EHBP1L1: variants seen among roughly 807,000 people sequenced by gnomAD.
EHBP1L1 encodes the protein EH domain binding protein 1 like 1.
In EHBP1L1, 122 loss-of-function variants were observed where a neutral mutation model predicts 151.1. The ratio of observed to expected loss-of-function variants is 0.81; its 90% CI spans 0.70 to 0.94. The LOEUF (loss-of-function observed/expected upper bound fraction) is 0.94. Among genes scored for constraint, EHBP1L1 ranks in the 40% least tolerant of loss-of-function variants. The pLI, the probability that EHBP1L1 is intolerant of heterozygous loss-of-function variation, is 0.00. For missense variants in EHBP1L1, 1,941 were observed against 1,959.8 expected, an observed-to-expected ratio of 0.99 and a Z score of 0.18; for synonymous variants, 878 against 810.1, an observed-to-expected ratio of 1.08 and a Z score of -1.42.
In EHBP1L1 at chr11:65,584,516, C is replaced by T. The variant is rs549155607; in HGVS notation, c.3282C>T (p.Ile1094=). The change falls in exon 11 of 19, where the codon ATC becomes ATT. Residue 1094 remains isoleucine (I), a synonymous_variant. Transcript: ENST00000309295. ...ATGCCTCGCTAGACCCACTCAACAT[C>T]AAGCAGAACAACAAGCAGGTGAGAT... ...IDYASLDPLN[I]KQNNKQAFDG... is the part of the protein sequence containing the mutation. The T allele has an allele frequency of 4.3e-6, 7 of 1,612,154 alleles. No individual in the cohort carries two copies. In the East Asian group the frequency reaches 1.6e-4, roughly 36 times the overall value.
chr11:65,590,635 C>A, intron 16 of EHBP1L1, 43 bp downstream of exon 16: 1 of 1,568,748 alleles, frequency 6.4e-7, no homozygotes, highest in Non-Finnish European at 8.7e-7. Flanking sequence ...GGACTCTTAG[C>A]TACTTTGGTT....
chr11:65,589,954 A>T lies in EHBP1L1; in HGVS notation c.4022A>T (p.Glu1341Val). 6.3e-7 allele frequency: 1 copy of T among 1,575,856 alleles called. No homozygotes were observed. The highest frequency in any genetic ancestry group is 8.6e-7 in the Non-Finnish European group (1 of 1,157,196). ...TCTGCAGGTGGGAGTTCCCCCTCGG[A>T]GGAACCACCCCCAAGCCCAGGGGAG... ...QQPPGGSSPS[E>V]EPPPSPGEEA... The change falls in exon 14 of 19, where the codon GAG (glutamate) becomes GTG (valine). Residue 1341 changes from glutamate (E) to valine (V), a missense_variant. Physicochemically the swap from Glu to Val is moderately radical, Grantham distance 121. Coordinates refer to ENST00000309295, the MANE Select transcript of EHBP1L1 (RefSeq NM_001099409.3).
Position 65,592,281 on chromosome 11 carries a change from G to A in EHBP1L1, c.4551G>A (p.Arg1517=). 6.5e-7 allele frequency: 1 copy of A among 1,529,988 alleles called. No individual in the cohort carries two copies. Among genetic ancestry groups the A allele is most frequent in the Non-Finnish European group, 8.7e-7 (1 of 1,144,580 alleles). The allele number at this position is 1,529,988 out of a possible 1,614,324, so 94.8% of individuals were successfully genotyped here. ...AGCTGAGCCGGCAGTTGAGCCGGCG[G>A]GAGCGCTGCGTGCTGAGCTGAGGCC... is the stretch of plus-strand genomic sequence containing the variant. ...RRKLSRQLSR[R]ERCVLS Residue 1517 remains arginine (R), a synonymous_variant, in exon 19 of 19, where the codon CGG becomes CGA. Coordinates refer to ENST00000309295, the MANE Select transcript of EHBP1L1 (RefSeq NM_001099409.3).
chr11:65,582,026 A>G lies in EHBP1L1; in HGVS notation c.1354A>G (p.Arg452Gly). The G allele has an allele frequency of 1.2e-6, 2 of 1,613,588 alleles. No individual in the cohort carries two copies. Among genetic ancestry groups the G allele is most frequent in the Non-Finnish European group, 1.7e-6 (2 of 1,179,820 alleles). The change falls in exon 9 of 19, where the codon AGG becomes GGG. Residue 452 changes from arginine to glycine, a missense_variant. Arg to Gly is a moderately radical substitution (Grantham distance 125). Coordinates refer to ENST00000309295, the MANE Select transcript of EHBP1L1 (RefSeq NM_001099409.3). ...AGGGGTGATGCCTGAGGCAAGATGCAGGGGGACCCCTGAGGCTCCTCCAAG... is the reference window on the plus strand; with the variant it reads ...AGGGGTGATGCCTGAGGCAAGATGCGGGGGGACCCCTGAGGCTCCTCCAAG... ...ATGVMPEARC[R>G]GTPEAPPRGS...
chr11:65,584,347 G>A lies in EHBP1L1; in HGVS notation c.3200G>A (p.Arg1067His), dbSNP rs1299121895. ...ATCACCAACTTCACCACATCCTGGC[G>A]CAACGGCTTGGCCTTCTGTGCCATC... is the stretch of plus-strand genomic sequence containing the variant. Reference protein sequence around the residue: ...VRITNFTTSWRNGLAFCAILH... With the variant: ...VRITNFTTSWHNGLAFCAILH... The change falls in exon 10 of 19, where the codon CGC becomes CAC. Residue 1067 changes from arginine (R) to histidine (H), a missense_variant. Physicochemically the swap from Arg to His is conservative, Grantham distance 29. Coordinates refer to ENST00000309295, the MANE Select transcript of EHBP1L1 (RefSeq NM_001099409.3). The A allele has an allele frequency of 8.1e-6, 13 of 1,610,076 alleles. No homozygotes were observed. Among genetic ancestry groups the A allele is most frequent in the South Asian group, 4.4e-5 (4 of 90,894 alleles).
intron 1 of EHBP1L1, among the ~76,000 whole-genome samples, chr11:65,577,249 G>A (rs903895422): frequency 6.6e-6 from 1 of 151,914 alleles, no homozygotes; most frequent in East Asian, 2.0e-4. Context: ...GCCAGGCGGG[G>A]CTAAATTTAG....
intron 1 of EHBP1L1, among the ~76,000 whole-genome samples, chr11:65,578,429 C>G (rs994020868): frequency 3.3e-5 from 5 of 152,194 alleles, no homozygotes; most frequent in African/African-American, 1.2e-4. Context: ...GATCCTCACA[C>G]AGCCCATCCC....
rs759574376 is a variant in EHBP1L1, at chr11:65,580,356, C to G, written c.511C>G (p.Leu171Val). Residue 171 changes from leucine to valine, a missense_variant, in exon 6 of 19, where the codon CTC becomes GTC. Leu to Val is a conservative substitution (Grantham distance 32). Coordinates refer to ENST00000309295, the MANE Select transcript of EHBP1L1 (RefSeq NM_001099409.3). Reference protein sequence around the residue: ...GRATDDDMQSLASLMSVKPSD... With the variant: ...GRATDDDMQSVASLMSVKPSD... ...TCCCAGGGACGATGACATGCAGAGT[C>G]TCGCAAGCCTCATGAGTGTGAAGCC... 1 of 1,613,812 alleles carries G rather than the reference C, an allele frequency of 6.2e-7. No individual in the cohort carries two copies. The highest frequency in any genetic ancestry group is 1.1e-5 in the South Asian group (1 of 91,084).
At position 65,590,902 on chromosome 11, in the gene EHBP1L1, G is replaced by A. The variant is rs554052661; in HGVS notation, c.4283+310G>A. Among the ~76,000 whole-genome samples the A allele has an allele frequency of 3.9e-5, 6 of 152,112 alleles. No individual in the cohort carries two copies. In the East Asian group the frequency reaches 7.7e-4, roughly 20 times the overall value. On this transcript the variant is annotated intron_variant, in intron 16 of 18. Transcript: ENST00000309295. ...AAAAATTAGCCAAGTATGGTGGCAC[G>A]CGCCTGTAATCCCAGCAACTTGGAA...
In EHBP1L1 at chr11:65,584,969, G is replaced by C. The variant is rs1248038465; in HGVS notation, c.3311G>C (p.Gly1104Ala). The C allele has an allele frequency of 1.3e-6, 2 of 1,533,414 alleles. No homozygotes were observed. Among genetic ancestry groups the C allele is most frequent in the Non-Finnish European group, 1.7e-6 (2 of 1,145,750 alleles). The allele number at this position is 1,533,414 out of a possible 1,614,324, so 95.0% of individuals were successfully genotyped here. ...GCACCCTTCCCCTAGGCCTTCGATG[G>C]CTTCGCGGCTCTGGGCGTGTCGCGG... ...IKQNNKQAFDGFAALGVSRLL... is the reference protein window; with the variant it reads ...IKQNNKQAFDAFAALGVSRLL... The change falls in exon 12 of 19, where the codon GGC becomes GCC. Residue 1104 changes from glycine to alanine, a missense_variant. Gly to Ala is a moderately conservative substitution (Grantham distance 60). Transcript: ENST00000309295.
chr11:65,581,424 A>G, intron 8 of EHBP1L1, 51 bp downstream of exon 8: 1 of 1,468,270 alleles, frequency 6.8e-7, no homozygotes, highest in Non-Finnish European at 9.1e-7. Flanking sequence ...TAGGAGCTGC[A>G]GTCCTCACCC....
rs750453750 is a variant in EHBP1L1 at position 65,581,694 on chromosome 11, C to T, written c.1022C>T (p.Thr341Ile). 1.9e-6 allele frequency: 3 copies of T among 1,577,888 alleles called. No individual in the cohort carries two copies. Among genetic ancestry groups the T allele is most frequent in the African/African-American group, 2.7e-5 (2 of 74,062 alleles). The change falls in exon 9 of 19, where the codon ACC becomes ATC. Residue 341 changes from threonine (T) to isoleucine (I), a missense_variant. Thr to Ile is a moderately conservative substitution (Grantham distance 89, BLOSUM62 -1). Transcript: ENST00000309295. ...PPAGLGSARE[T>I]QAQACPQEGT... ...GCAGGATTGGGCTCTGCTAGGGAGA[C>T]CCAGGCCCAGGCATGCCCTCAGGAA...
chr11:65,584,488 A>T lies in EHBP1L1; in HGVS notation c.3254A>T (p.Asp1085Val). The part of the protein sequence containing the change: ...ILHRFYPDKI[D>V]YASLDPLNIK... ...TCTGACCAGCACACTCTCTGCAGTG[A>T]CTATGCCTCGCTAGACCCACTCAAC... Residue 1085 changes from aspartate to valine, a missense_variant and splice_region_variant, in exon 11 of 19, where the codon GAC becomes GTC. Transcript: ENST00000309295. 1 of 1,613,204 alleles carries T rather than the reference A, an allele frequency of 6.2e-7. No individual in the cohort carries two copies. Among genetic ancestry groups the T allele is most frequent in the Non-Finnish European group, 8.5e-7 (1 of 1,179,742 alleles).
intron 12 of EHBP1L1, among the ~76,000 whole-genome samples, chr11:65,587,095 C>G (rs1036051798): frequency 6.6e-6 from 1 of 152,156 alleles, no homozygotes; most frequent in African/African-American, 2.4e-5. Context: ...GAATTTGAGG[C>G]CGGGCACCGT....
Position 65,590,151 on chromosome 11 carries a change from G to A in EHBP1L1, c.4124G>A (p.Arg1375Lys), listed in dbSNP as rs1340798261. The A allele has an allele frequency of 6.2e-7, 1 of 1,613,884 alleles. No homozygotes were observed. The highest frequency in any genetic ancestry group is 8.5e-7 in the Non-Finnish European group (1 of 1,179,854). Residue 1375 changes from arginine to lysine, a missense_variant, in exon 15 of 19, where the codon AGG becomes AAG. Physicochemically the swap from Arg to Lys is conservative, Grantham distance 26. Coordinates refer to ENST00000309295, the MANE Select transcript of EHBP1L1 (RefSeq NM_001099409.3). Reference protein sequence around the residue: ...AELQALEQEQRQIDGRAAEVE... With the variant: ...AELQALEQEQKQIDGRAAEVE... ...CTGCAGGCCCTGGAACAGGAGCAGA[G>A]GCAGATAGATGGGCGGGCGGCTGAG...
intron 18 of EHBP1L1, 35 bp from the exon 19 acceptor site, chr11:65,592,168 C>G: frequency 1.2e-6 from 2 of 1,600,994 alleles, no homozygotes; most frequent in Non-Finnish European, 1.7e-6. Flanking sequence ...TGGACCCCGC[C>G]CAACGGAGCG....
chr11:65,582,519 G>C lies in EHBP1L1; in HGVS notation c.1847G>C (p.Arg616Thr). Residue 616 changes from arginine (R) to threonine (T), a missense_variant, in exon 9 of 19, where the codon AGG becomes ACG. Transcript: ENST00000309295. ...GALEKEAARSRVLESEVAGTA... is the reference protein window; with the variant it reads ...GALEKEAARSTVLESEVAGTA... ...TTGGAGAAAGAAGCAGCAAGATCAA[G>C]GGTCCTGGAGTCAGAGGTTGCTGGG... is the stretch of plus-strand genomic sequence containing the variant. 6.2e-7 allele frequency: 1 copy of C among 1,613,450 alleles called. No individual in the cohort carries two copies. The highest frequency in any genetic ancestry group is 8.5e-7 in the Non-Finnish European group (1 of 1,179,846).
Position 65,585,344 on chromosome 11 carries a change from C to T in EHBP1L1, c.3686C>T (p.Ser1229Leu). The change falls in exon 12 of 19, where the codon TCG becomes TTG. Residue 1229 changes from serine (S) to leucine (L), a missense_variant. Transcript: ENST00000309295. The surrounding 1 kb of genome is among the most constrained non-coding windows in gnomAD (Gnocchi z 4.0). ...GGCGGGGCCGAGGCCCCCCGAGAGT[C>T]GCGACCCGCGGAGGTCCCGGCCGAG... Reference protein sequence around the residue: ...KDGGAEAPRESRPAEVPAEGL... With the variant: ...KDGGAEAPRELRPAEVPAEGL... The T allele has an allele frequency of 1.8e-6, 2 of 1,119,116 alleles. No individual in the cohort carries two copies. Among genetic ancestry groups the T allele is most frequent in the Non-Finnish European group, 2.2e-6 (2 of 916,604 alleles). The allele number at this position is 1,119,116 out of a possible 1,614,324, so 69.3% of individuals were successfully genotyped here.
At position 65,576,426 on chromosome 11, in the gene EHBP1L1, G is replaced by C. The variant is rs533056743; in HGVS notation, c.104+20G>C. ...GAAATGGTGAGTGGGAGGGAGGCGG[G>C]GGGGCTCCCCCGAACTTGCTGGGAC... On this transcript the variant is annotated intron_variant, in intron 1 of 18. Transcript: ENST00000309295. The C allele has an allele frequency of 9.0e-6, 14 of 1,556,152 alleles. No homozygotes were observed. In the Admixed American group the frequency reaches 2.7e-4, roughly 30 times the overall value.
Sources: gnomAD v4.1 joint callset for allele counts (sites outside exome capture counted in the v4.1 genomes callset) on GRCh38, gnomAD v4.1.1 for gene constraint, Gnocchi (gnomAD v3.1) non-coding constraint, MANE v1.5 for transcripts, NCBI Gene and HGNC (gene_info 2026-07-23, HGNC 2026-07-21) for gene names.